Variants in DLGAP1 observed in about 807,000 individuals in gnomAD.
The protein encoded by DLGAP1 is DLG associated protein 1.
Under a neutral mutation model 90.8 loss-of-function variants are expected in DLGAP1, and 11 were observed. The ratio of observed to expected loss-of-function variants is 0.12; its 90% confidence interval spans 0.08 to 0.20. The LOEUF (loss-of-function observed/expected upper bound fraction) is 0.20, where lower values mean the gene tolerates loss of function less well. DLGAP1 is among the 10% of genes least tolerant of loss of function. The pLI is 1.00. For missense variants in DLGAP1, 1,050 were observed against 1,333.8 expected (o/e 0.79, Z 3.31); for synonymous variants, 558 against 540.7 (o/e 1.03, Z -0.44).
rs2065129291 is a variant in DLGAP1, at chr18:3,780,232, GTTA to G, written c.1172+33824_1172+33826del. On this transcript the variant is annotated intron_variant, in intron 5 of 12. Coordinates refer to ENST00000315677, the MANE Select transcript of DLGAP1 (RefSeq NM_004746.4). ...CCACAGTTTAGTTATTTAAAGATAA[GTTA>G]TTATCATGTATCTGTATTTATTCCT... is the stretch of plus-strand genomic sequence containing the variant. Among the ~76,000 whole-genome samples, 4 of 152,142 alleles carry G rather than the reference GTTA, an allele frequency of 2.6e-5. No homozygotes were observed. In the South Asian group the frequency reaches 8.3e-4, roughly 31 times the overall value.
intron 7 of DLGAP1, among the ~76,000 whole-genome samples, chr18:3,717,165 A>G (rs1416566064): frequency 1.3e-5 from 2 of 151,988 alleles, no homozygotes; most frequent in Non-Finnish European, 2.9e-5. Flanking sequence ...CTAGAAAAAA[A>G]TAGAAAGAAT....
At chr18:3,575,246 T>G (rs183529984) in intron 8 of DLGAP1, among the ~76,000 whole-genome samples, 6 of 152,334 alleles carry the variant, frequency 3.9e-5, no homozygotes, top group Admixed American at 2.6e-4. Flanking sequence ...AATATATATC[T>G]GTACACTTGG....
intron 1 of DLGAP1, among the ~76,000 whole-genome samples, chr18:4,337,351 G>A (rs866976872): frequency 2.0e-5 from 3 of 151,474 alleles, no homozygotes; most frequent in Admixed American, 6.6e-5. Context: ...ATGCCACCAC[G>A]CCCGGCTAAT....
intron 2 of DLGAP1, among the ~76,000 whole-genome samples, chr18:4,069,589 T>C (rs1189629012): frequency 1.3e-5 from 2 of 152,210 alleles, no homozygotes; most frequent in African/African-American, 2.4e-5. Flanking sequence ...ACCTCCCCCA[T>C]GCTCTCGCTT....
chr18:3,742,929 T>C (rs1324455245), intron 5 of DLGAP1, among the ~76,000 whole-genome samples: 1 of 151,022 alleles, frequency 6.6e-6, no homozygotes, highest in East Asian at 1.9e-4. Context: ...TCTATATCTA[T>C]ATTTTTATCT....
At chr18:3,518,051 C>G (rs2050951467) in intron 10 of DLGAP1, among the ~76,000 whole-genome samples, 1 of 152,192 alleles carries the variant, frequency 6.6e-6, no homozygotes, top group Non-Finnish European at 1.5e-5. Flanking sequence ...AAAAGCCTAG[C>G]TTCTGGCTTA....
chr18:3,510,469 G>C (rs940998588), intron 10 of DLGAP1, among the ~76,000 whole-genome samples: 1 of 152,224 alleles, frequency 6.6e-6, no homozygotes, highest in African/African-American at 2.4e-5. Flanking sequence ...GATCTAAGGT[G>C]ACTGGACATC....
In DLGAP1 at chr18:4,369,547, T is replaced by A. The variant is rs183125042; in HGVS notation, c.-267+85459A>T. Among the ~76,000 whole-genome samples the A allele has an allele frequency of 2.5e-3, 382 of 152,220 alleles. 1 individual carries two copies. The highest frequency in any genetic ancestry group is 8.8e-3 in the African/African-American group (367 of 41,526). ...CAATCTAAGGACCTTGTCTTATTCT[T>A]CCTGCACCTAAATTAAAATACCTAC... is the stretch of plus-strand genomic sequence containing the variant. On this transcript the variant is annotated intron_variant, in intron 1 of 12. Transcript: ENST00000315677.
At chr18:4,072,250 C>T (rs2075459019) in intron 2 of DLGAP1, among the ~76,000 whole-genome samples, 1 of 151,968 alleles carries the variant, frequency 6.6e-6, no homozygotes, top group South Asian at 2.1e-4. Flanking sequence ...AAAAAAAGAC[C>T]TTCGCTGCAT....
At chr18:4,154,222 G>A (rs1017289052) in intron 1 of DLGAP1, among the ~76,000 whole-genome samples, 3 of 149,198 alleles carry the variant, frequency 2.0e-5, no homozygotes, top group East Asian at 3.9e-4. Context: ...CACCACACCC[G>A]GCTATTTTTT....
At chr18:3,821,881 T>G in intron 4 of DLGAP1, 4 of 984,332 alleles carry the variant, frequency 4.1e-6, no homozygotes, top group Non-Finnish European at 4.8e-6. Context: ...GCTCTCAGAT[T>G]CCCTACTCAC....
chr18:4,116,911 A>G (rs910888081), intron 2 of DLGAP1, among the ~76,000 whole-genome samples: 1 of 152,168 alleles, frequency 6.6e-6, no homozygotes, highest in East Asian at 1.9e-4. Context: ...TATGAGCTGA[A>G]TATGTTATGG....
In DLGAP1 at chr18:4,107,890, G is replaced by A. The variant is rs183149684; in HGVS notation, c.-159+43290C>T. ...ATTTTTCTTTTAGTGTTTCAGGTCC[G>A]AAGAAAAATCTTGGTTTTTGTTTAT... On this transcript the variant is annotated intron_variant, in intron 2 of 12. Transcript: ENST00000315677. Among the ~76,000 whole-genome samples, 15 of 152,154 alleles carry A rather than the reference G, an allele frequency of 9.9e-5. No individual in the cohort carries two copies. The East Asian group carries it at 2.9e-3, about 29-fold the overall frequency.
intron 2 of DLGAP1, among the ~76,000 whole-genome samples, chr18:4,024,272 G>C (rs2074663357): frequency 6.6e-6 from 1 of 152,138 alleles, no homozygotes; most frequent in Admixed American, 6.5e-5. Flanking sequence ...TCAGTATCAG[G>C]ACTTGGAGGT....
chr18:4,185,895 C>G (rs565287665), intron 1 of DLGAP1, among the ~76,000 whole-genome samples: 17 of 152,284 alleles, frequency 1.1e-4, no homozygotes, highest in African/African-American at 3.8e-4. Context: ...AGTTTACACT[C>G]CCAGCAACAG....
intron 2 of DLGAP1, among the ~76,000 whole-genome samples, chr18:4,134,822 C>T (rs565583810): frequency 3.4e-4 from 51 of 152,036 alleles, no homozygotes; most frequent in African/African-American, 1.1e-3. Context: ...TTAAAGAGGG[C>T]GATACTGCTG....
At chr18:3,664,216 A>ACACACC (rs1491360168) in intron 7 of DLGAP1, among the ~76,000 whole-genome samples, 1 of 89,878 alleles carries the variant, frequency 1.1e-5, no homozygotes, top group African/African-American at 4.8e-5. Flanking sequence ...ACACACACAC[A>ACACACC]CCCACACACA....
At chr18:3,532,980 AAAGGTC>A (rs2052108372) in intron 10 of DLGAP1, among the ~76,000 whole-genome samples, 1 of 152,128 alleles carries the variant, frequency 6.6e-6, no homozygotes, top group Non-Finnish European at 1.5e-5. Context: ...TCAAATGTTA[AAAGGTC>A]AAGTTTGAAA....
intron 1 of DLGAP1, among the ~76,000 whole-genome samples, chr18:4,438,984 G>A (rs1385224104): frequency 1.3e-5 from 2 of 152,212 alleles, no homozygotes; most frequent in East Asian, 3.9e-4. Flanking sequence ...GCAATGTCAC[G>A]TTAGGAAGAG....
Sources: allele counts gnomAD v4.1 joint callset (sites outside exome capture counted in the v4.1 genomes callset), GRCh38; gene constraint gnomAD v4.1.1; transcripts MANE v1.5; gene names NCBI Gene and HGNC (gene_info 2026-07-23, HGNC 2026-07-21).